MYH11: variants seen among roughly 807,000 people sequenced by gnomAD.
The protein encoded by MYH11 is myosin heavy chain 11, also known as myosin-11.
In MYH11, 80 loss-of-function variants were observed where a neutral mutation model predicts 246.6. That is an observed-to-expected ratio of 0.32 (90% confidence interval 0.27 to 0.39). MYH11 has a LOEUF of 0.39. Ranked by LOEUF, MYH11 falls within the 10% of genes least tolerant of loss-of-function variation. The pLI is 1.00. For missense variants in MYH11, 2,158 were observed against 2,546.8 expected (o/e 0.85, Z 3.29); for synonymous variants, 1,071 against 1,015.5 (o/e 1.05, Z -1.04).
intron 1 of MYH11, among the ~76,000 whole-genome samples, chr16:15,854,913 C>G (rs998742968): frequency 5.3e-5 from 8 of 150,584 alleles, no homozygotes; most frequent in Non-Finnish European, 5.9e-5. Flanking sequence ...ATCTCTTCTC[C>G]TTAGGGTTTC....
chr16:15,777,238 C>T (rs2042243502), intron 7 of MYH11, among the ~76,000 whole-genome samples: 1 of 152,184 alleles, frequency 6.6e-6, no homozygotes, highest in Non-Finnish European at 1.5e-5. Context: ...TCTCCTGCCT[C>T]AGCCTCCTGA....
chr16:15,758,422 C>A (rs1208207207), intron 12 of MYH11, among the ~76,000 whole-genome samples: 1 of 152,116 alleles, frequency 6.6e-6, no homozygotes, highest in Non-Finnish European at 1.5e-5. Flanking sequence ...GTAATCCCAG[C>A]ACTTAGGGAG....
In MYH11 at chr16:15,757,860, G is replaced by A. The variant is rs756832800; in HGVS notation, c.1542C>T (p.Asp514=). Residue 514 remains aspartate (D), a synonymous_variant, in exon 13 of 41, where the codon GAC becomes GAT. Transcript: ENST00000300036. ...IEWNFIDFGL[D]LQPCIELIER... Reference sequence around the variant, plus strand: ...CGATGAGCTCGATGCAGGGCTGTAGGTCCAGCCCAAAGTCGATGAAGTTCC... The same window carrying A: ...CGATGAGCTCGATGCAGGGCTGTAGATCCAGCCCAAAGTCGATGAAGTTCC... 1.2e-6 allele frequency: 2 copies of A among 1,614,196 alleles called. No individual in the cohort carries two copies. The highest frequency in any genetic ancestry group is 1.7e-6 in the Non-Finnish European group (2 of 1,180,044).
At chr16:15,833,311 G>GA (rs2043794363) in intron 2 of MYH11, among the ~76,000 whole-genome samples, 1 of 129,858 alleles carries the variant, frequency 7.7e-6, no homozygotes, top group Non-Finnish European at 1.7e-5. Flanking sequence ...GAAAGAAAAA[G>GA]AAAAAAGAAG....
At chr16:15,836,329 G>T (rs2043890518) in intron 2 of MYH11, among the ~76,000 whole-genome samples, 1 of 152,108 alleles carries the variant, frequency 6.6e-6, no homozygotes, top group African/African-American at 2.4e-5. Flanking sequence ...CTAGCCACAG[G>T]TGGCTATTGA....
rs142802974 is a variant in MYH11, at chr16:15,754,651, A to G, written c.1750-1143T>C. Among the ~76,000 whole-genome samples, 17 of 152,170 alleles carry G rather than the reference A, an allele frequency of 1.1e-4. No homozygotes were observed. The East Asian group carries it at 3.3e-3, about 29-fold the overall frequency. On this transcript the variant is annotated intron_variant, in intron 14 of 40. Transcript: ENST00000300036. ...TATTTTTGGCTTGGCAAGTCATACA[A>G]TGTTTTGTTTGTTTGTTTGTTTTGG...
At chr16:15,756,304 C>G (rs1190727875) in intron 14 of MYH11, 37 bp downstream of exon 14, 3 of 1,610,342 alleles carry the variant, frequency 1.9e-6, no homozygotes, top group African/African-American at 1.3e-5. Context: ...ACTGGGGGTC[C>G]CCTGAGACAG....
At chr16:15,712,624 G>C (rs546479672) in intron 40 of MYH11, among the ~76,000 whole-genome samples, 1 of 152,194 alleles carries the variant, frequency 6.6e-6, no homozygotes, top group African/African-American at 2.4e-5. Flanking sequence ...ACCCTGGGGC[G>C]GTCTAGTGGC....
At chr16:15,775,842 C>G in intron 8 of MYH11, 4 of 591,098 alleles carry the variant, frequency 6.8e-6, no homozygotes, top group Non-Finnish European at 1.2e-5. Context: ...GATCTAATGT[C>G]TAATTGGAGT....
chr16:15,836,169 G>C (rs2043886637), intron 2 of MYH11, among the ~76,000 whole-genome samples: 2 of 152,174 alleles, frequency 1.3e-5, no homozygotes, highest in South Asian at 4.2e-4. Flanking sequence ...ATAGACATAG[G>C]CCGGGTTGGG....
intron 38 of MYH11, among the ~76,000 whole-genome samples, chr16:15,716,578 G>C (rs1335330779): frequency 6.6e-6 from 1 of 152,158 alleles, no homozygotes; most frequent in Non-Finnish European, 1.5e-5. Flanking sequence ...CTGCAGTGCA[G>C]TGGCACAATC....
At chr16:15,833,377 G>GAGGGAGGAAGGA (rs1555458560) in intron 2 of MYH11, among the ~76,000 whole-genome samples, 31 of 50,938 alleles carry the variant, frequency 6.1e-4, no homozygotes, top group African/African-American at 3.5e-3. Context: ...GAGAGGGAGG[G>GAGGGAGGAAGGA]AGGGAGGGAG....
In MYH11 at chr16:15,715,227, C is replaced by T. The variant is rs1331102826; in HGVS notation, c.5550G>A (p.Lys1850=). 1 of 1,614,054 alleles carries T rather than the reference C, an allele frequency of 6.2e-7. No homozygotes were observed. The highest frequency in any genetic ancestry group is 8.5e-7 in the Non-Finnish European group (1 of 1,180,050). Residue 1850 remains lysine, a synonymous_variant, in exon 39 of 41, where the codon AAG becomes AAA. Coordinates refer to ENST00000300036, the MANE Select transcript of MYH11 (RefSeq NM_002474.3). ...CCACCTGCAGCAAGATTTCCTTCAG[C>T]TTCTTGTCTTTCTGCTTCAGCGACT... ...ATKSLKQKDK[K]LKEILLQVED...
At chr16:15,783,723 T>C (rs149482435) in intron 5 of MYH11, among the ~76,000 whole-genome samples, 1 of 152,182 alleles carries the variant, frequency 6.6e-6, no homozygotes, top group East Asian at 1.9e-4. Flanking sequence ...CTTTCTAGAA[T>C]GGGGATTCTG....
intron 3 of MYH11, among the ~76,000 whole-genome samples, chr16:15,820,967 G>T (rs2043394771): frequency 6.6e-6 from 1 of 152,070 alleles, no homozygotes; most frequent in Non-Finnish European, 1.5e-5. Context: ...CCACTTCCTG[G>T]TCTCAAGCGA....
chr16:15,759,501 A>C, intron 12 of MYH11, 75 bp downstream of exon 12: 1 of 1,604,806 alleles, frequency 6.2e-7, no homozygotes, highest in South Asian at 1.1e-5. Flanking sequence ...CTTTCTCCAA[A>C]ATCATGACTC....
chr16:15,771,778 A>G lies in MYH11; in HGVS notation c.890-66T>C. 3 of 1,591,950 alleles carry G rather than the reference A, an allele frequency of 1.9e-6. No homozygotes were observed. In the South Asian group the frequency reaches 3.3e-5, roughly 18 times the overall value. On this transcript the variant is annotated intron_variant, in intron 8 of 40. Transcript: ENST00000300036. ...CTTCTAATTTCAACATGAGACCGAG[A>G]TCTGGTCAAGGGTCTGGGCCATCAT...
chr16:15,710,760 T>A (rs1180964521), intron 40 of MYH11, among the ~76,000 whole-genome samples: 2 of 151,774 alleles, frequency 1.3e-5, no homozygotes, highest in African/African-American at 4.8e-5. Context: ...CACTGCAGGC[T>A]CCTCCTCCTG....
chr16:15,771,946 G>A (rs1170277187), intron 8 of MYH11, among the ~76,000 whole-genome samples: 1 of 151,902 alleles, frequency 6.6e-6, no homozygotes, highest in Admixed American at 6.6e-5. Context: ...TCCAGCCTTG[G>A]TTCTGCTTGC....
Sources: gnomAD v4.1 joint callset for allele counts (sites outside exome capture counted in the v4.1 genomes callset) on GRCh38, gnomAD v4.1.1 for gene constraint, MANE v1.5 for transcripts, NCBI Gene and HGNC (gene_info 2026-07-23, HGNC 2026-07-21) for gene names.